The following AZI2 variants were observed in gnomAD, a reference collection of about 807,000 sequenced individuals.
The protein encoded by AZI2 is 5-azacytidine induced 2.
Under a neutral mutation model 45.8 loss-of-function variants are expected in AZI2, and 22 were observed. The observed-to-expected ratio is 0.48, with a 90% confidence interval of 0.34 to 0.69. AZI2 has a LOEUF of 0.69. AZI2 is among the 30% of genes least tolerant of loss of function. The probability of loss-of-function intolerance (pLI) is 0.01; values close to 1 mark genes in which losing one functional copy is unlikely to be tolerated. For missense variants in AZI2, 417 were observed against 441.5 expected (o/e 0.94, Z 0.50); for synonymous variants, 137 against 156.7 (o/e 0.87, Z 0.94).
At chr3:28,332,045 T>G in intron 6 of AZI2, 1 of 744,292 alleles carries the variant, frequency 1.3e-6, no homozygotes, top group Non-Finnish European at 2.2e-6. Flanking sequence ...AGGAATGTTA[T>G]TATATATAAT....
chr3:28,332,991 T>C (rs993834550), intron 5 of AZI2, among the ~76,000 whole-genome samples: 14 of 151,714 alleles, frequency 9.2e-5, no homozygotes, highest in East Asian at 1.9e-4. Flanking sequence ...AGGTTGCAGA[T>C]ATGACAGAAC....
intron 6 of AZI2, 58 bp from the exon 7 acceptor site, chr3:28,327,008 G>T: frequency 8.3e-7 from 1 of 1,207,182 alleles, no homozygotes; most frequent in South Asian, 1.3e-5. Flanking sequence ...AGACAAAAGG[G>T]AATAACTTTA....
rs141925726 is a variant in AZI2, at chr3:28,331,017, A to AT, written c.647+1351dup. Among the ~76,000 whole-genome samples the AT allele has an allele frequency of 6.4e-3, 963 of 151,242 alleles. 9 individuals carry two copies. Among genetic ancestry groups the AT allele is most frequent in the African/African-American group, 0.022 (907 of 41,376 alleles). ...ACTTTCCCCAAATCCTGGCACAGAGATTTTTTCAGTATTTTGTTAGTTATC... is the reference window on the plus strand; with the variant it reads ...ACTTTCCCCAAATCCTGGCACAGAGATTTTTTTCAGTATTTTGTTAGTTATC... On this transcript the variant is annotated intron_variant, in intron 6 of 7. Coordinates refer to ENST00000479665, the MANE Select transcript of AZI2 (RefSeq NM_022461.5).
rs1703273834 is a variant in AZI2, at chr3:28,323,853, G to A, written c.*189C>T. The A allele has an allele frequency of 1.9e-6, 1 of 530,868 alleles. No homozygotes were observed. Among genetic ancestry groups the A allele is most frequent in the South Asian group, 3.2e-5 (1 of 31,276 alleles). 32.9% of individuals were successfully genotyped at this position (530,868 alleles called of 1,614,324 possible). The stretch of plus-strand genomic sequence containing the variant: ...AGATTCTTAGAATATGGAGCTAGAG[G>A]GTGCTCTTTCATACTAGAAAACCAA... On this transcript the variant is annotated 3_prime_UTR_variant, in exon 8 of 8. Coordinates refer to ENST00000479665, the MANE Select transcript of AZI2 (RefSeq NM_022461.5).
At chr3:28,337,004 G>C in intron 4 of AZI2, 119 bp from the exon 5 acceptor site, 1 of 967,480 alleles carries the variant, frequency 1.0e-6, no homozygotes, top group South Asian at 1.9e-5. Context: ...AAACATATAT[G>C]ATCAATAGTT....
chr3:28,348,279 T>C (rs554202700), intron 1 of AZI2: 1 of 152,040 alleles, frequency 6.6e-6, no homozygotes, highest in Non-Finnish European at 1.5e-5. Context: ...AAGAAGCATT[T>C]AGCAGTCTCA....
intron 1 of AZI2, among the ~76,000 whole-genome samples, chr3:28,341,307 TAGAA>T (rs1349418436): frequency 1.1e-4 from 17 of 152,212 alleles, no homozygotes; most frequent in African/African-American, 4.1e-4. Flanking sequence ...AGGTAGGTCT[TAGAA>T]AGTTGAATTA....
chr3:28,326,440 G>C (rs1162358913), intron 7 of AZI2: 1 of 159,148 alleles, frequency 6.3e-6, no homozygotes, highest in Admixed American at 6.5e-5. Context: ...TAAAAAGCTA[G>C]GTGTTTGGTG....
chr3:28,342,663 G>A (rs1355452211), intron 1 of AZI2, among the ~76,000 whole-genome samples: 1 of 151,132 alleles, frequency 6.6e-6, no homozygotes, highest in Non-Finnish European at 1.5e-5. Context: ...TTCTCATATT[G>A]CAAACTGAAA....
At chr3:28,340,725 A>C (rs182838510) in intron 1 of AZI2, 103 bp from the exon 2 acceptor site, 1 of 901,296 alleles carries the variant, frequency 1.1e-6, no homozygotes, top group East Asian at 2.6e-5. Context: ...GACAATGTTT[A>C]AAAACCAGAC....
intron 4 of AZI2, among the ~76,000 whole-genome samples, chr3:28,337,377 T>G (rs1703832663): frequency 6.6e-6 from 1 of 152,098 alleles, no homozygotes; most frequent in African/African-American, 2.4e-5. Context: ...AAGCTCCAAC[T>G]AGCTATGCTA....
At chr3:28,336,559 T>A (rs561595867) in intron 5 of AZI2, among the ~76,000 whole-genome samples, 178 bp downstream of exon 5, 1 of 152,122 alleles carries the variant, frequency 6.6e-6, no homozygotes, top group South Asian at 2.1e-4. Flanking sequence ...ATATGGCATG[T>A]CAAATTTTAG....
intron 5 of AZI2, among the ~76,000 whole-genome samples, chr3:28,334,807 C>T (rs1280588094): frequency 6.6e-6 from 1 of 151,868 alleles, no homozygotes; most frequent in Admixed American, 6.6e-5. Flanking sequence ...AAGTACTGCC[C>T]TTCTGGATTA....
rs762367106 is a variant in AZI2, at chr3:28,326,916, T to C, written c.682A>G (p.Arg228Gly). 7 of 1,608,008 alleles carry C rather than the reference T, an allele frequency of 4.4e-6. No individual in the cohort carries two copies. In the Admixed American group the frequency reaches 1.2e-4, roughly 27 times the overall value. ...ACCAGATGTAAATTAGACATTTCTC[T>C]CTTCAGTTCCCAGTATGCATGCTGC... ...NMQHAYWELK[R>G]EMSNLHLVTQ... The change falls in exon 7 of 8, where the codon AGA becomes GGA. Residue 228 changes from arginine to glycine, a missense_variant. Arg to Gly is a moderately radical substitution (Grantham distance 125, BLOSUM62 -2). Coordinates refer to ENST00000479665, the MANE Select transcript of AZI2 (RefSeq NM_022461.5).
chr3:28,321,924 T>C lies in AZI2; in HGVS notation c.*2118A>G, dbSNP rs1321239938. ...CTGAATTGAACCTTATAAAAAGAAA[T>C]CTAAAGATTCCAAAGGAAGCTCTTT... On this transcript the variant is annotated 3_prime_UTR_variant, in exon 8 of 8. Transcript: ENST00000479665. 1 of 151,360 alleles carries C rather than the reference T, an allele frequency of 6.6e-6. No homozygotes were observed. Among genetic ancestry groups the C allele is most frequent in the Non-Finnish European group, 1.5e-5 (1 of 67,508 alleles). The allele number at this position is 151,360 out of a possible 1,614,324, so 9.4% of individuals were successfully genotyped here.
At chr3:28,343,076 T>C (rs1014103470) in intron 1 of AZI2, among the ~76,000 whole-genome samples, 1 of 151,960 alleles carries the variant, frequency 6.6e-6, no homozygotes, top group African/African-American at 2.4e-5. Flanking sequence ...CATGAAACAA[T>C]CATTTACACA....
In AZI2 at chr3:28,326,911, T is replaced by C. The variant is rs1390324987; in HGVS notation, c.687A>G (p.Glu229=). The C allele has an allele frequency of 1.2e-6, 2 of 1,608,104 alleles. No homozygotes were observed. The highest frequency in any genetic ancestry group is 1.7e-6 in the Non-Finnish European group (2 of 1,175,932). Reference sequence around the variant, plus strand: ...GAGTCACCAGATGTAAATTAGACATTTCTCTCTTCAGTTCCCAGTATGCAT... The same window carrying C: ...GAGTCACCAGATGTAAATTAGACATCTCTCTCTTCAGTTCCCAGTATGCAT... ...MQHAYWELKR[E]MSNLHLVTQV... The change falls in exon 7 of 8, where the codon GAA becomes GAG. Residue 229 remains glutamate (E), a synonymous_variant. Coordinates refer to ENST00000479665, the MANE Select transcript of AZI2 (RefSeq NM_022461.5).
chr3:28,342,751 C>A (rs970264900), intron 1 of AZI2, among the ~76,000 whole-genome samples: 3 of 148,730 alleles, frequency 2.0e-5, no homozygotes, highest in African/African-American at 5.0e-5. Context: ...ACACACACTC[C>A]CCTTAAAAGT....
At chr3:28,343,640 C>G (rs1704116750) in intron 1 of AZI2, among the ~76,000 whole-genome samples, 1 of 151,960 alleles carries the variant, frequency 6.6e-6, no homozygotes, top group African/African-American at 2.4e-5. Context: ...GGTACAAAAT[C>G]TTATCAAACT....
Sources: gnomAD v4.1 joint callset for allele counts (sites outside exome capture counted in the v4.1 genomes callset) on GRCh38, gnomAD v4.1.1 for gene constraint, MANE v1.5 for transcripts, NCBI Gene and HGNC (gene_info 2026-07-23, HGNC 2026-07-21) for gene names.